The following RBFOX1 variants were observed in gnomAD, a reference collection of about 807,000 sequenced individuals.
The protein encoded by RBFOX1 is RNA binding fox-1 homolog 1.
RBFOX1 carries 8 observed loss-of-function variants against 57.7 expected under a neutral mutation model. The observed-to-expected ratio is 0.14, with a 90% confidence interval of 0.08 to 0.25. RBFOX1 has a LOEUF of 0.25. Among genes scored for constraint, RBFOX1 ranks in the 10% least tolerant of loss-of-function variants. The pLI is 1.00. For missense variants in RBFOX1, 611 were observed against 548.5 expected (o/e 1.11, Z -1.14); for synonymous variants, 326 against 222.4 (o/e 1.47, Z -4.15).
Position 6,639,870 on chromosome 16 carries a change from C to G in RBFOX1, c.-63-14733C>G, listed in dbSNP as rs1017860055. Among the ~76,000 whole-genome samples, 3 of 152,092 alleles carry G rather than the reference C, an allele frequency of 2.0e-5. No homozygotes were observed. In the South Asian group the frequency reaches 6.2e-4, roughly 32 times the overall value. The stretch of plus-strand genomic sequence containing the variant: ...CTCCAGCCTGAGCAACAGAGTGAGA[C>G]TGTGTCTCAAAAACAAAAAACAAAA... On this transcript the variant is annotated intron_variant, in intron 2 of 15. Coordinates refer to ENST00000550418, the MANE Select transcript of RBFOX1 (RefSeq NM_018723.4).
intron 4 of RBFOX1, among the ~76,000 whole-genome samples, chr16:7,472,066 G>T (rs73500349): frequency 6.6e-6 from 1 of 152,068 alleles, no homozygotes; most frequent in Admixed American, 6.6e-5. Flanking sequence ...GCTATGCCTG[G>T]CATCTCTCCT....
intron 2 of RBFOX1, among the ~76,000 whole-genome samples, chr16:5,474,170 A>G (rs1215404697): frequency 1.3e-5 from 2 of 152,204 alleles, no homozygotes; most frequent in Admixed American, 6.5e-5. Flanking sequence ...GGATTATTCA[A>G]ACCCTACCCA....
chr16:6,507,869 A>G, intron 2 of RBFOX1, among the ~76,000 whole-genome samples: 1 of 152,110 alleles, frequency 6.6e-6, no homozygotes, highest in Admixed American at 6.6e-5. Flanking sequence ...GAGATTTCAG[A>G]TTTGCAAGAT....
chr16:7,169,562 A>G (rs981425591), intron 4 of RBFOX1, among the ~76,000 whole-genome samples: 1 of 152,228 alleles, frequency 6.6e-6, no homozygotes, highest in Non-Finnish European at 1.5e-5. Flanking sequence ...AGTGATGTAC[A>G]TGATTAATTG....
chr16:7,287,505 G>C (rs974183146), intron 4 of RBFOX1, among the ~76,000 whole-genome samples: 5 of 152,182 alleles, frequency 3.3e-5, no homozygotes, highest in Non-Finnish European at 5.9e-5. Flanking sequence ...ATTCCCCACA[G>C]GCCATGGTGA....
intron 2 of RBFOX1, among the ~76,000 whole-genome samples, chr16:6,545,426 G>A (rs2096881333): frequency 6.6e-6 from 1 of 152,018 alleles, no homozygotes; most frequent in Non-Finnish European, 1.5e-5. Flanking sequence ...ATCATTCTTA[G>A]GGCTTTCAAC....
At chr16:7,335,790 C>T (rs752118842) in intron 4 of RBFOX1, among the ~76,000 whole-genome samples, 1 of 152,062 alleles carries the variant, frequency 6.6e-6, no homozygotes, top group Non-Finnish European at 1.5e-5. Flanking sequence ...TTAGGAAAAT[C>T]AGAATCTTTA....
chr16:6,840,293 A>C (rs1603630961), intron 3 of RBFOX1, among the ~76,000 whole-genome samples: 1 of 152,200 alleles, frequency 6.6e-6, no homozygotes, highest in South Asian at 2.1e-4. Context: ...AAAAATGAAA[A>C]GGCAACTTTA....
chr16:7,554,472 C>T (rs924740046), intron 5 of RBFOX1, among the ~76,000 whole-genome samples: 3 of 152,170 alleles, frequency 2.0e-5, no homozygotes, highest in South Asian at 2.1e-4. Flanking sequence ...AAACCAAATT[C>T]CCAAGTTCAG....
intron 3 of RBFOX1, among the ~76,000 whole-genome samples, chr16:5,741,279 A>C (rs1413243758): frequency 6.6e-6 from 1 of 152,230 alleles, no homozygotes; most frequent in African/African-American, 2.4e-5. Flanking sequence ...TGCAGGAGTC[A>C]TAAGGCCGCA....
chr16:6,528,113 A>G (rs2096606458), intron 2 of RBFOX1, among the ~76,000 whole-genome samples: 1 of 151,936 alleles, frequency 6.6e-6, no homozygotes, highest in African/African-American at 2.4e-5. Flanking sequence ...GATTCACCCA[A>G]CTGGAATCCT....
At chr16:5,633,152 T>C (rs2151309043) in intron 3 of RBFOX1, among the ~76,000 whole-genome samples, 1 of 152,198 alleles carries the variant, frequency 6.6e-6, no homozygotes, top group East Asian at 1.9e-4. Flanking sequence ...TTGGCCAGGC[T>C]GGTCTCGAAC....
intron 2 of RBFOX1, among the ~76,000 whole-genome samples, chr16:5,594,744 A>G (rs931839103): frequency 2.0e-5 from 3 of 152,088 alleles, no homozygotes; most frequent in African/African-American, 7.2e-5. Flanking sequence ...TTGGCCCTAA[A>G]CAGTTCCTAG....
chr16:5,867,449 G>A (rs2057369739), intron 4 of RBFOX1: 1 of 753,986 alleles, frequency 1.3e-6, no homozygotes. Flanking sequence ...TTTCCTGGTG[G>A]CTTGGATGGT....
chr16:6,698,463 A>G lies in RBFOX1; in HGVS notation c.-16+43813A>G, dbSNP rs542395189. Among the ~76,000 whole-genome samples the G allele has an allele frequency of 4.6e-5, 7 of 152,280 alleles. No individual in the cohort carries two copies. In the South Asian group the frequency reaches 6.2e-4, roughly 14 times the overall value. On this transcript the variant is annotated intron_variant, in intron 3 of 15. Coordinates refer to ENST00000550418, the MANE Select transcript of RBFOX1 (RefSeq NM_018723.4). Reference sequence around the variant, plus strand: ...CCTGTGGCCGCCATAACGCAAATCAATCCTGTCATTATCTCTTCCTGGGCT... The same window carrying G: ...CCTGTGGCCGCCATAACGCAAATCAGTCCTGTCATTATCTCTTCCTGGGCT...
At chr16:7,147,487 A>T (rs1172481442) in intron 4 of RBFOX1, among the ~76,000 whole-genome samples, 1 of 151,970 alleles carries the variant, frequency 6.6e-6, no homozygotes, top group Admixed American at 6.6e-5. Flanking sequence ...TGCATCTCAT[A>T]GTCTCCAGTG....
intron 3 of RBFOX1, among the ~76,000 whole-genome samples, chr16:6,949,087 T>C (rs1424783341): frequency 1.3e-5 from 2 of 152,222 alleles, no homozygotes; most frequent in Non-Finnish European, 1.5e-5. Flanking sequence ...TCAAGGTTTC[T>C]TTATCCTCTG....
intron 4 of RBFOX1, among the ~76,000 whole-genome samples, chr16:5,939,077 C>T (rs1008742663): frequency 6.6e-5 from 10 of 151,824 alleles, no homozygotes; most frequent in African/African-American, 2.2e-4. Context: ...GAACATCACA[C>T]ACCACTGCGT....
chr16:7,024,291 G>C (rs966138661), intron 3 of RBFOX1, among the ~76,000 whole-genome samples: 1 of 152,136 alleles, frequency 6.6e-6, no homozygotes, highest in African/African-American at 2.4e-5. Context: ...GACTACCATG[G>C]AGAGCCTGGT....
Sources: gnomAD v4.1 joint callset for allele counts (sites outside exome capture counted in the v4.1 genomes callset) on GRCh38, gnomAD v4.1.1 for gene constraint, MANE v1.5 for transcripts, NCBI Gene and HGNC (gene_info 2026-07-23, HGNC 2026-07-21) for gene names.